FAM81A: variants seen among roughly 807,000 people sequenced by gnomAD.
FAM81A encodes the protein family with sequence similarity 81 member A.
In FAM81A, 19 loss-of-function variants were observed where a neutral mutation model predicts 46.7. That is an observed-to-expected ratio of 0.41 (90% CI 0.28 to 0.60). FAM81A has a LOEUF of 0.60. Among genes scored for constraint, FAM81A ranks in the 20% least tolerant of loss-of-function variants. FAM81A has a pLI of 0.34. For missense variants in FAM81A, 377 were observed against 453.5 expected (o/e 0.83, Z 1.53); for synonymous variants, 183 against 152.9 (o/e 1.20, Z -1.45).
intron 1 of FAM81A, among the ~76,000 whole-genome samples, chr15:59,453,667 G>C (rs1481620833): frequency 6.6e-6 from 1 of 151,918 alleles, no homozygotes; most frequent in Non-Finnish European, 1.5e-5. Context: ...AAGGAAAACA[G>C]GCAGTAAAAA....
intron 5 of FAM81A, 26 bp downstream of exon 5, chr15:59,507,368 A>G (rs2082160661): frequency 6.2e-7 from 1 of 1,606,206 alleles, no homozygotes; most frequent in African/African-American, 1.3e-5. Flanking sequence ...GGTAGCTTTT[A>G]GAAGCGGGTA....
At chr15:59,497,213 T>C (rs1487759656) in intron 4 of FAM81A, among the ~76,000 whole-genome samples, 1 of 150,272 alleles carries the variant, frequency 6.7e-6, no homozygotes, top group African/African-American at 2.5e-5. Flanking sequence ...TTTGGGAGGC[T>C]GAGGTGGGCA....
intron 3 of FAM81A, among the ~76,000 whole-genome samples, chr15:59,480,073 C>T (rs1324873983): frequency 2.6e-5 from 4 of 152,030 alleles, no homozygotes; most frequent in African/African-American, 9.7e-5. Context: ...AAGATGGATT[C>T]TGGAGTGATT....
In FAM81A at chr15:59,523,043, C is replaced by G. The variant is rs61214052; in HGVS notation, c.*1665C>G. ...CGTACACGTGGTTCATGTGGTTCTCCACGTTTAAGCACAAACCACAGCACA... is the reference window on the plus strand; with the variant it reads ...CGTACACGTGGTTCATGTGGTTCTCGACGTTTAAGCACAAACCACAGCACA... On this transcript the variant is annotated 3_prime_UTR_variant, in exon 9 of 9. Transcript: ENST00000288228. 6.6e-6 allele frequency: 1 copy of G among 152,290 alleles called. No homozygotes were observed. Among genetic ancestry groups the G allele is most frequent in the Non-Finnish European group, 1.5e-5 (1 of 68,024 alleles). 9.4% of individuals were successfully genotyped at this position (152,290 alleles called of 1,614,324 possible).
intron 1 of FAM81A, among the ~76,000 whole-genome samples, chr15:59,440,381 A>G (rs2081284485): frequency 6.6e-6 from 1 of 152,190 alleles, no homozygotes; most frequent in Admixed American, 6.5e-5. Context: ...TCTCTGGGCA[A>G]TTCTGATGTA....
Position 59,460,098 on chromosome 15 carries a change from G to T in FAM81A, c.186G>T (p.Leu62Phe). Residue 62 changes from leucine (L) to phenylalanine (F), a missense_variant, in exon 3 of 9, where the codon TTG becomes TTT. Leu to Phe is a conservative substitution (Grantham distance 22, BLOSUM62 0). Coordinates refer to ENST00000288228, the MANE Select transcript of FAM81A (RefSeq NM_152450.3). The surrounding 1 kb of genome is among the most constrained non-coding windows in gnomAD (Gnocchi z 4.4). ...TTAAAGATGACATTGTCAACAGTTT[G>T]CAGAAAATGCAAAACAAAGGGGGAG... ...FRIKDDIVNS[L>F]QKMQNKGGGD... is the part of the protein sequence containing the mutation. The T allele has an allele frequency of 6.2e-7, 1 of 1,613,988 alleles. No individual in the cohort carries two copies. Among genetic ancestry groups the T allele is most frequent in the Non-Finnish European group, 8.5e-7 (1 of 1,179,884 alleles).
In FAM81A at chr15:59,452,999, G is replaced by A. The variant is rs187625470; in HGVS notation, c.-77-5551G>A. Among the ~76,000 whole-genome samples, 8 of 152,310 alleles carry A rather than the reference G, an allele frequency of 5.3e-5. No individual in the cohort carries two copies. The East Asian group carries it at 1.4e-3, about 26-fold the overall frequency. On this transcript the variant is annotated intron_variant, in intron 1 of 8. Coordinates refer to ENST00000288228, the MANE Select transcript of FAM81A (RefSeq NM_152450.3). ...GCTGGTCTTGAACTCCTGGGCTCAA[G>A]TGATCCTCCTGCCTCGGCCTCCCAA...
intron 2 of FAM81A, among the ~76,000 whole-genome samples, chr15:59,406,560 T>G (rs974425731): frequency 6.6e-6 from 1 of 152,238 alleles, no homozygotes; most frequent in Non-Finnish European, 1.5e-5. Context: ...TTGATAATTT[T>G]AGTAAGTTTG....
intron 3 of FAM81A, among the ~76,000 whole-genome samples, chr15:59,481,453 T>C (rs1035655582): frequency 1.9e-4 from 29 of 152,034 alleles, no homozygotes; most frequent in Non-Finnish European, 2.9e-5. Flanking sequence ...AAAAAAAGAA[T>C]AAACCATAAT....
chr15:59,519,827 T>C (rs895156285), intron 8 of FAM81A, among the ~76,000 whole-genome samples: 4 of 152,202 alleles, frequency 2.6e-5, no homozygotes, highest in African/African-American at 9.7e-5. Context: ...CACACTTCAG[T>C]TGTTTCCATA....
intron 3 of FAM81A, among the ~76,000 whole-genome samples, chr15:59,489,300 TAC>T (rs1337639213): frequency 5.3e-5 from 8 of 150,894 alleles, no homozygotes; most frequent in Non-Finnish European, 7.4e-5. Flanking sequence ...CATACATACA[TAC>T]ATACATACAT....
chr15:59,511,177 T>C (rs2082204319), intron 6 of FAM81A, among the ~76,000 whole-genome samples: 2 of 152,112 alleles, frequency 1.3e-5, no homozygotes, highest in African/African-American at 4.8e-5. Context: ...GAGCAAAGAA[T>C]ATGATGAACA....
intron 3 of FAM81A, among the ~76,000 whole-genome samples, chr15:59,467,967 C>T (rs1239459485): frequency 6.6e-6 from 1 of 152,118 alleles, no homozygotes; most frequent in African/African-American, 2.4e-5. Flanking sequence ...TTGAGATAAT[C>T]ATGTGGGTTT....
chr15:59,465,596 T>A (rs184853902), intron 3 of FAM81A, among the ~76,000 whole-genome samples: 1 of 152,332 alleles, frequency 6.6e-6, no homozygotes, highest in Non-Finnish European at 1.5e-5. Flanking sequence ...TGCCCAGGGT[T>A]GCTTTGTCTA....
At chr15:59,509,356 G>A (rs1161299335) in intron 6 of FAM81A, among the ~76,000 whole-genome samples, 1 of 152,106 alleles carries the variant, frequency 6.6e-6, no homozygotes, top group Non-Finnish European at 1.5e-5. Flanking sequence ...TTGAAGGTTC[G>A]GTTCATGGTT....
At chr15:59,419,260 C>G (rs1408992623) in intron 2 of FAM81A, among the ~76,000 whole-genome samples, 1 of 152,160 alleles carries the variant, frequency 6.6e-6, no homozygotes. Context: ...TCATAAAAAC[C>G]TATGATTTAA....
At chr15:59,401,648 T>G in intron 1 of FAM81A, 1 of 864,730 alleles carries the variant, frequency 1.2e-6, no homozygotes, top group Non-Finnish European at 2.0e-6. Context: ...CAGAGGGACT[T>G]CCCATTTTCC....
intron 2 of FAM81A, among the ~76,000 whole-genome samples, chr15:59,415,261 G>A (rs1169302552): frequency 2.6e-5 from 4 of 152,084 alleles, no homozygotes; most frequent in Non-Finnish European, 4.4e-5. Context: ...TGGGATTACA[G>A]GCATGTAACA....
rs992500390 is a variant in FAM81A, at chr15:59,404,472, T to G, written c.-78+2114T>G. On this transcript the variant is annotated intron_variant, in intron 2 of 4. Coordinates refer to the FAM81A transcript ENST00000558348. ...GAAAGTTTCTATACATTCTTTGTTT[T>G]TTTTTAGAGACACAGTCTCGCTCTG... 9.2e-5 allele frequency among the ~76,000 whole-genome samples: 14 copies of G among 152,306 alleles called. No individual in the cohort carries two copies. The East Asian group carries it at 2.7e-3, about 29-fold the overall frequency.
Sources: allele counts gnomAD v4.1 joint callset (sites outside exome capture counted in the v4.1 genomes callset), GRCh38; gene constraint gnomAD v4.1.1; non-coding constraint Gnocchi (gnomAD v3.1); transcripts MANE v1.5; gene names NCBI Gene and HGNC (gene_info 2026-07-23, HGNC 2026-07-21).